The following CENPK variants were observed in gnomAD, a reference collection of about 807,000 sequenced individuals.
CENPK encodes the protein SoxLZ/Sox6-binding protein Solt.
In CENPK, 46 loss-of-function variants were observed where a neutral mutation model predicts 40.9. The ratio of observed to expected loss-of-function variants is 1.13; its 90% CI spans 0.89 to 1.44. The LOEUF is 1.44. Among genes scored for constraint, CENPK ranks in the 40% most tolerant of loss-of-function variants. The pLI, the probability that CENPK is intolerant of heterozygous loss-of-function variation, is 0.00. For missense variants in CENPK, 288 were observed against 303.5 expected, an observed-to-expected ratio of 0.95 and a Z score of 0.38; for synonymous variants, 107 against 104.4, an observed-to-expected ratio of 1.02 and a Z score of -0.15.
At chr5:65,516,804 C>G (rs1353774565), downstream of CENPK, among the ~76,000 whole-genome samples, 2 of 151,984 alleles carry the variant, frequency 1.3e-5, no homozygotes, top group Admixed American at 6.6e-5. Context: ...TTTTCACTTA[C>G]TAATTTTTGA....
intron 5 of CENPK, among the ~76,000 whole-genome samples, chr5:65,550,174 CAAAA>C (rs56732964): frequency 1.7e-5 from 1 of 59,510 alleles, no homozygotes; most frequent in Non-Finnish European, 3.3e-5. Context: ...GACTCCATCT[CAAAA>C]AAAAAAAAAA....
chr5:65,522,409 A>G (rs1414280023), intron 9 of CENPK, among the ~76,000 whole-genome samples: 1 of 151,840 alleles, frequency 6.6e-6, no homozygotes, highest in African/African-American at 2.4e-5. Flanking sequence ...ACTAATCACC[A>G]TTTGTTTCTT....
In CENPK at chr5:65,551,431, G is replaced by A. The variant is rs541288815; in HGVS notation, c.241+133C>T. On this transcript the variant is annotated intron_variant, in intron 5 of 10. Coordinates refer to ENST00000396679, the MANE Select transcript of CENPK (RefSeq NM_022145.5). Reference sequence around the variant, plus strand: ...ACAAAATAATTCACAGAAAAAAAGTGGCTTCTCGGTATCAATGAAATTTGG... The same window carrying A: ...ACAAAATAATTCACAGAAAAAAAGTAGCTTCTCGGTATCAATGAAATTTGG... The A allele has an allele frequency of 2.1e-4, 115 of 544,340 alleles. 1 individual carries two copies. In the African/African-American group the frequency reaches 2.2e-3, roughly 10 times the overall value. The allele number at this position is 544,340 out of a possible 1,614,324, so 33.7% of individuals were successfully genotyped here.
chr5:65,532,763 G>C (rs978110132), intron 6 of CENPK, among the ~76,000 whole-genome samples: 2 of 151,406 alleles, frequency 1.3e-5, no homozygotes, highest in Non-Finnish European at 2.9e-5. Flanking sequence ...TACAAAATTA[G>C]CCAGGCATGG....
intron 9 of CENPK, among the ~76,000 whole-genome samples, chr5:65,527,533 ATATATATATATATATATATATG>A (rs1324083914): frequency 2.6e-5 from 2 of 76,310 alleles, no homozygotes; most frequent in African/African-American, 4.0e-5. Context: ...ATATATATAT[ATATATATATATATATATATATG>A]AACTGTTCAC....
chr5:65,557,867 A>T (rs1751254523), intron 2 of CENPK, among the ~76,000 whole-genome samples: 1 of 152,124 alleles, frequency 6.6e-6, no homozygotes, highest in South Asian at 2.1e-4. Flanking sequence ...TGGCAAGAAT[A>T]AAAATCTGAT....
At chr5:65,500,139 G>T in the CENPK span, among the ~76,000 whole-genome samples, 1 of 45,904 alleles carries the variant, frequency 2.2e-5, no homozygotes, top group Non-Finnish European at 4.5e-5. Flanking sequence ...ACATGTGCAT[G>T]TGTCTTTATA....
At chr5:65,527,270 AG>A (rs773888767) in intron 9 of CENPK, among the ~76,000 whole-genome samples, 1 of 151,776 alleles carries the variant, frequency 6.6e-6, no homozygotes, top group Non-Finnish European at 1.5e-5. Flanking sequence ...GGCACAAAAA[AG>A]TGAGAGGTCA....
At chr5:65,547,310 T>C (rs1254962728) in intron 5 of CENPK, among the ~76,000 whole-genome samples, 1 of 151,350 alleles carries the variant, frequency 6.6e-6, no homozygotes, top group African/African-American at 2.4e-5. Flanking sequence ...CAAGAACTGC[T>C]TGAACCTGGA....
the CENPK span, among the ~76,000 whole-genome samples, chr5:65,511,419 A>T: frequency 6.6e-6 from 1 of 152,366 alleles, no homozygotes; most frequent in East Asian, 1.9e-4. Flanking sequence ...TAGCTAGAGA[A>T]GTCAATGCCT....
chr5:65,534,876 A>T (rs976842489), intron 6 of CENPK, among the ~76,000 whole-genome samples: 1 of 152,242 alleles, frequency 6.6e-6, no homozygotes, highest in African/African-American at 2.4e-5. Flanking sequence ...ACTTGATTAA[A>T]TGGAGTTAAT....
chr5:65,507,384 G>C, the CENPK span, among the ~76,000 whole-genome samples: 1 of 152,168 alleles, frequency 6.6e-6, no homozygotes, highest in African/African-American at 2.4e-5. Context: ...CAGCTATATA[G>C]AGAAGAGTGG....
chr5:65,498,634 C>CTTTTTT, the CENPK span, among the ~76,000 whole-genome samples: 1 of 132,788 alleles, frequency 7.5e-6, no homozygotes, highest in Non-Finnish European at 1.6e-5. Context: ...TTTCTTTTTT[C>CTTTTTT]TTTTTTTTTT....
chr5:65,527,946 G>C (rs915681066), intron 9 of CENPK, among the ~76,000 whole-genome samples: 1 of 152,104 alleles, frequency 6.6e-6, no homozygotes, highest in African/African-American at 2.4e-5. Flanking sequence ...AATATACTCT[G>C]GCTGGGCGCA....
the CENPK span, among the ~76,000 whole-genome samples, chr5:65,510,423 G>A: frequency 1.8e-4 from 27 of 152,188 alleles, no homozygotes; most frequent in Admixed American, 1.7e-3. Context: ...AAATGTGGCA[G>A]TATTGACAGG....
chr5:65,518,259 T>C lies in CENPK; in HGVS notation c.*216A>G. On this transcript the variant is annotated 3_prime_UTR_variant, in exon 11 of 11. Transcript: ENST00000396679. The stretch of plus-strand genomic sequence containing the variant: ...TGCCTAGAATATTATCTACCTGCAT[T>C]CTTATCCATATAGTTTAAAACACTA... 2.1e-6 allele frequency: 1 copy of C among 474,412 alleles called. No individual in the cohort carries two copies. Among genetic ancestry groups the C allele is most frequent in the East Asian group, 3.9e-5 (1 of 25,936 alleles). 29.4% of individuals were successfully genotyped at this position (474,412 alleles called of 1,614,324 possible).
At chr5:65,513,942 G>T (rs921225072), downstream of CENPK, among the ~76,000 whole-genome samples, 3 of 151,992 alleles carry the variant, frequency 2.0e-5, no homozygotes, top group South Asian at 2.1e-4. Context: ...GGCTTTTTTT[G>T]TCAAACGGCT....
chr5:65,501,466 A>C, the CENPK span, among the ~76,000 whole-genome samples: 1 of 151,994 alleles, frequency 6.6e-6, no homozygotes, highest in African/African-American at 2.4e-5. Flanking sequence ...GGCAGGAGCC[A>C]CTGCTCCTGG....
intron 9 of CENPK, among the ~76,000 whole-genome samples, chr5:65,525,626 C>T (rs902876038): frequency 6.6e-6 from 1 of 152,116 alleles, no homozygotes; most frequent in Non-Finnish European, 1.5e-5. Flanking sequence ...TGAACGATGT[C>T]TCCCCAAAAT....
Sources: gnomAD v4.1 joint callset for allele counts (sites outside exome capture counted in the v4.1 genomes callset) on GRCh38, gnomAD v4.1.1 for gene constraint, MANE v1.5 for transcripts, NCBI Gene and HGNC (gene_info 2026-07-23, HGNC 2026-07-21) for gene names.